CELF2: variants seen among roughly 807,000 people sequenced by gnomAD.
CELF2 encodes the protein CUGBP Elav-like family member 2, also known as CUG triplet repeat RNA-binding protein 2.
A neutral mutation model predicts 62.6 loss-of-function variants in CELF2; 8 were observed. The ratio of observed to expected loss-of-function variants is 0.13; its 90% CI spans 0.07 to 0.23. The LOEUF is 0.23. Ranked by LOEUF, CELF2 falls within the 10% of genes least tolerant of loss-of-function variation. The probability of loss-of-function intolerance (pLI) is 1.00; values close to 1 mark genes in which losing one functional copy is unlikely to be tolerated. For missense variants in CELF2, 333 were observed against 671.0 expected (o/e 0.50, Z 5.56); for synonymous variants, 258 against 250.0 (o/e 1.03, Z -0.30).
At chr10:10,702,597 A>G in the CELF2 span, among the ~76,000 whole-genome samples, 3 of 152,178 alleles carry the variant, frequency 2.0e-5, no homozygotes, top group Admixed American at 6.5e-5. Flanking sequence ...ACTCAGGTGG[A>G]CTTTTGAGAT....
chr10:11,168,103 T>C (rs2067768084), intron 2 of CELF2, among the ~76,000 whole-genome samples: 1 of 152,204 alleles, frequency 6.6e-6, no homozygotes, highest in Non-Finnish European at 1.5e-5. Flanking sequence ...ATTTCATTCT[T>C]GAAGAATGAG....
At chr10:10,737,844 C>T in the CELF2 span, among the ~76,000 whole-genome samples, 1 of 152,176 alleles carries the variant, frequency 6.6e-6, no homozygotes, top group African/African-American at 2.4e-5. Context: ...GAAGTGAAGA[C>T]ACAGTGCAAA....
Position 11,325,964 on chromosome 10 carries a change from C to A in CELF2, c.1423C>A (p.Leu475Met). The A allele has an allele frequency of 6.2e-7, 1 of 1,613,160 alleles. No individual in the cohort carries two copies. ...AGTCTTCATTGACAAACAGACCAAT[C>A]TGAGCAAGTGCTTTGGTATGCAAAA... ...AKVFIDKQTN[L>M]SKCFGFVSYD... The change falls in exon 12 of 13, where the codon CTG becomes ATG. Residue 475 changes from leucine (L) to methionine (M), a missense_variant. Around this residue, in one of 3 missense-constraint regions of CELF2, gnomAD observed 35 missense variants for 128.1 expected, o/e 0.27. Coordinates refer to ENST00000633077, the MANE Select transcript of CELF2 (RefSeq NM_001326342.2).
chr10:10,693,751 T>C, the CELF2 span, among the ~76,000 whole-genome samples: 1 of 151,568 alleles, frequency 6.6e-6, no homozygotes, highest in Non-Finnish European at 1.5e-5. Context: ...AGAGTGTATG[T>C]GTCGAGGAAT....
chr10:10,698,818 C>G, the CELF2 span, among the ~76,000 whole-genome samples: 1 of 152,192 alleles, frequency 6.6e-6, no homozygotes, highest in Non-Finnish European at 1.5e-5. Flanking sequence ...TAGAGGCAGT[C>G]TTTTCAACAA....
chr10:10,597,008 C>T, the CELF2 span, among the ~76,000 whole-genome samples: 2 of 152,200 alleles, frequency 1.3e-5, no homozygotes, highest in African/African-American at 4.8e-5. Flanking sequence ...CCAACTACTA[C>T]CAAAGCACCA....
At chr10:11,081,613 T>G (rs1032734406) in intron 1 of CELF2, among the ~76,000 whole-genome samples, 2 of 152,218 alleles carry the variant, frequency 1.3e-5, no homozygotes, top group Non-Finnish European at 2.9e-5. Context: ...GGAGATTTCA[T>G]TAAATTCACG....
the CELF2 span, among the ~76,000 whole-genome samples, chr10:10,511,701 T>C: frequency 2.5e-3 from 374 of 152,258 alleles, 1 homozygote; most frequent in African/African-American, 8.4e-3. Flanking sequence ...TCTTTCAATC[T>C]ATCTGCATCT....
the CELF2 span, chr10:10,784,317 T>C: frequency 6.6e-6 from 1 of 152,470 alleles, no homozygotes; most frequent in Non-Finnish European, 1.5e-5. Context: ...AAAGCCCCAG[T>C]CAGCGTGTTA....
At chr10:10,474,611 A>C in the CELF2 span, among the ~76,000 whole-genome samples, 1 of 152,092 alleles carries the variant, frequency 6.6e-6, no homozygotes, top group African/African-American at 2.4e-5. Context: ...ACAACCATGT[A>C]AAATTGGAAA....
chr10:10,869,982 A>G (rs933635043), intron 1 of CELF2, among the ~76,000 whole-genome samples: 1 of 152,218 alleles, frequency 6.6e-6, no homozygotes. Context: ...ATGGTTTATT[A>G]TATTGCCATT....
chr10:11,031,641 C>T (rs1307585547), intron 1 of CELF2, among the ~76,000 whole-genome samples: 4 of 152,200 alleles, frequency 2.6e-5, no homozygotes, highest in South Asian at 2.1e-4. Flanking sequence ...TTTTCATGCC[C>T]TGTGTGCTTA....
chr10:10,685,678 T>A, the CELF2 span, among the ~76,000 whole-genome samples: 3 of 152,348 alleles, frequency 2.0e-5, no homozygotes, highest in African/African-American at 4.8e-5. Flanking sequence ...AATATGAGGC[T>A]GATTTTATAG....
At chr10:11,085,420 C>T (rs1375137575) in intron 1 of CELF2, among the ~76,000 whole-genome samples, 2 of 152,090 alleles carry the variant, frequency 1.3e-5, no homozygotes, top group African/African-American at 2.4e-5. Context: ...ATTAGAACAC[C>T]GTGAATGAAG....
chr10:10,466,694 G>A, the CELF2 span, among the ~76,000 whole-genome samples: 1 of 152,074 alleles, frequency 6.6e-6, no homozygotes, highest in African/African-American at 2.4e-5. Flanking sequence ...CAGTTGCTGG[G>A]TATCTTTGCC....
At chr10:11,091,314 G>C (rs2048265870) in intron 1 of CELF2, among the ~76,000 whole-genome samples, 1 of 152,152 alleles carries the variant, frequency 6.6e-6, no homozygotes, top group South Asian at 2.1e-4. Flanking sequence ...GGGAGGTAAG[G>C]CTGTTCTCCC....
chr10:11,134,525 C>T (rs1051329548), intron 1 of CELF2, among the ~76,000 whole-genome samples: 10 of 152,130 alleles, frequency 6.6e-5, no homozygotes, highest in Non-Finnish European at 1.0e-4. Flanking sequence ...CTTGTCCTTC[C>T]AGTGCTGATT....
At chr10:10,640,067 A>G in the CELF2 span, among the ~76,000 whole-genome samples, 1 of 152,156 alleles carries the variant, frequency 6.6e-6, no homozygotes, top group Non-Finnish European at 1.5e-5. Flanking sequence ...GCCTTTCCCA[A>G]TCCCTTAATG....
chr10:10,868,820 AG>A (rs770668536), intron 1 of CELF2, among the ~76,000 whole-genome samples: 1 of 152,256 alleles, frequency 6.6e-6, no homozygotes, highest in East Asian at 1.9e-4. Context: ...TTCAATAAAA[AG>A]TTTAAACATG....
Sources: allele counts gnomAD v4.1 joint callset (sites outside exome capture counted in the v4.1 genomes callset), GRCh38; gene constraint gnomAD v4.1.1; regional missense constraint gnomAD v4.1.1; transcripts MANE v1.5; gene names NCBI Gene and HGNC (gene_info 2026-07-23, HGNC 2026-07-21).